G6PC3: variants seen among roughly 807,000 people sequenced by gnomAD.
The protein encoded by G6PC3 is glucose-6-phosphatase catalytic subunit 3, also known as glucose-6-phosphatase 3.
Under a neutral mutation model 38.6 loss-of-function variants are expected in G6PC3, and 30 were observed. The ratio of observed to expected loss-of-function variants is 0.78; its 90% confidence interval spans 0.58 to 1.05. G6PC3 has a LOEUF of 1.05. G6PC3 is among the 50% of genes least tolerant of loss of function. The probability of loss-of-function intolerance (pLI) is 0.00; values close to 1 mark genes in which losing one functional copy is unlikely to be tolerated. For synonymous variants in G6PC3, 192 were observed against 178.1 expected (o/e 1.08, Z -0.62); for missense variants, 377 against 443.1 (o/e 0.85, Z 1.34).
chr17:44,074,874 T>A, intron 3 of G6PC3, 95 bp from the exon 4 acceptor site: 1 of 1,456,324 alleles, frequency 6.9e-7, no homozygotes, highest in South Asian at 1.1e-5. Flanking sequence ...TTGGGGACCC[T>A]AGGTTGTGTG....
rs371716081 is a variant in G6PC3 at position 44,075,119 on chromosome 17, A to G, written c.535+32A>G. ...AACTGGGGCAACGGGGTGGACTGAG[A>G]GGATGCCTTTGGCAGTGGGAGGATC... On this transcript the variant is annotated intron_variant, in intron 4 of 5. Coordinates refer to ENST00000269097, the MANE Select transcript of G6PC3 (RefSeq NM_138387.4). The G allele has an allele frequency of 7.0e-6, 11 of 1,571,960 alleles. No individual in the cohort carries two copies. The African/African-American group carries it at 1.5e-4, about 21-fold the overall frequency.
Position 44,070,743 on chromosome 17 carries a change from G to A in G6PC3, c.-223G>A. On this transcript the variant is annotated 5_prime_UTR_variant, in exon 1 of 6. Transcript: ENST00000269097. ...TGTCCCCTGCGCTGCCCAGTAGGGA[G>A]GAAAACCGGAGGAGAGCGCAGGAGG... 1 of 625,748 alleles carries A rather than the reference G, an allele frequency of 1.6e-6. No homozygotes were observed. Among genetic ancestry groups the A allele is most frequent in the Non-Finnish European group, 2.9e-6 (1 of 347,936 alleles). 38.8% of individuals were successfully genotyped at this position (625,748 alleles called of 1,614,324 possible).
intron 1 of G6PC3, 49 bp from the exon 2 acceptor site, chr17:44,074,111 C>G (rs781657144): frequency 2.3e-6 from 3 of 1,329,284 alleles, no homozygotes; most frequent in Non-Finnish European, 3.3e-6. Flanking sequence ...TGTACCCCCC[C>G]TGGCTGTGTG....
Position 44,071,273 on chromosome 17 carries a change from C to T in G6PC3, c.218+90C>T, listed in dbSNP as rs1020804767. ...CCCTGGTCTCTTTCAGCAACTGTCTCAAGGGCCTTCCCACCCCTACTCTGT... is the reference window on the plus strand; with the variant it reads ...CCCTGGTCTCTTTCAGCAACTGTCTTAAGGGCCTTCCCACCCCTACTCTGT... On this transcript the variant is annotated intron_variant, in intron 1 of 5. Transcript: ENST00000269097. The T allele has an allele frequency of 9.1e-6, 14 of 1,542,468 alleles. No individual in the cohort carries two copies. The East Asian group carries it at 3.4e-4, about 37-fold the overall frequency.
chr17:44,071,121 T>G lies in G6PC3; in HGVS notation c.156T>G (p.Arg52=). The change falls in exon 1 of 6, where the codon CGT becomes CGG. Residue 52 remains arginine (R), a synonymous_variant. Coordinates refer to ENST00000269097, the MANE Select transcript of G6PC3 (RefSeq NM_138387.4). ...CCGCGGCCTACTACGCCTCCCGCCG[T>G]GTGGGCATCGCGGTGCTCTGGATCA... ...YFPAAYYASR[R]VGIAVLWISL... is the part of the protein sequence containing the mutation. 6.2e-7 allele frequency: 1 copy of G among 1,614,034 alleles called. No individual in the cohort carries two copies. Among genetic ancestry groups the G allele is most frequent in the Non-Finnish European group, 8.5e-7 (1 of 1,179,984 alleles).
At chr17:44,074,398 C>A (rs752891830) in intron 2 of G6PC3, 132 bp downstream of exon 2, 2 of 815,742 alleles carry the variant, frequency 2.5e-6, no homozygotes, top group African/African-American at 1.7e-5. Flanking sequence ...AACAAAAGAA[C>A]CCCAGGGAGA....
At chr17:44,071,654 G>A (rs2049981363) in intron 1 of G6PC3, 1 of 1,283,592 alleles carries the variant, frequency 7.8e-7, no homozygotes, top group Non-Finnish European at 1.0e-6. Flanking sequence ...GGGCATCACG[G>A]TAGCTGCTAA....
chr17:44,075,211 C>G (rs1186240441), intron 4 of G6PC3, 99 bp from the exon 5 acceptor site: 24 of 1,549,544 alleles, frequency 1.5e-5, no homozygotes, highest in Admixed American at 6.7e-5. Flanking sequence ...CGTTATGTCT[C>G]AGTTTATTCT....
chr17:44,075,470 C>G lies in G6PC3; in HGVS notation c.677+19C>G. 1.2e-6 allele frequency: 2 copies of G among 1,614,170 alleles called. No individual in the cohort carries two copies. Among genetic ancestry groups the G allele is most frequent in the Middle Eastern group, 3.3e-4 (2 of 6,062 alleles). On this transcript the variant is annotated intron_variant, in intron 5 of 5. Transcript: ENST00000269097. ...TTTCTTGGTAAGTCTCGCTTTGAAG[C>G]CTGGGCAGGCTGGGCCCTGTCCTAT...
At chr17:44,075,635 T>G (rs1414872694) in intron 5 of G6PC3, 45 bp from the exon 6 acceptor site, 2 of 1,606,740 alleles carry the variant, frequency 1.2e-6, no homozygotes, top group East Asian at 2.2e-5. Context: ...GCCAGTGGCC[T>G]TCTATGTTCC....
chr17:44,071,315 T>TC (rs2049975150), intron 1 of G6PC3, 132 bp downstream of exon 1: 4 of 1,448,888 alleles, frequency 2.8e-6, no homozygotes, highest in Non-Finnish European at 3.7e-6. Context: ...TGATTTTTTT[T>TC]CCCCTTGAGC....
In G6PC3 at chr17:44,075,300, A is replaced by T. The variant is rs866805011; in HGVS notation, c.536-10A>T. ...GACTCCTTGAAGCTGTTGTCACTCC[A>T]CTCTCCTAGGCGCTGTCCTGGGCTG... On this transcript the variant is annotated splice_polypyrimidine_tract_variant and intron_variant, in intron 4 of 5. Transcript: ENST00000269097. 31 of 1,613,200 alleles carry T rather than the reference A, an allele frequency of 1.9e-5. 1 individual carries two copies. The Middle Eastern group carries it at 2.1e-3, about 112-fold the overall frequency.
chr17:44,074,040 C>G (rs948950950), intron 1 of G6PC3, 120 bp from the exon 2 acceptor site: 3 of 782,658 alleles, frequency 3.8e-6, no homozygotes, highest in Non-Finnish European at 4.7e-6. Context: ...TGGACAGAAT[C>G]GTAGTCCCTT....
At chr17:44,074,093 G>T (rs2050029245) in intron 1 of G6PC3, 67 bp from the exon 2 acceptor site, 2 of 1,093,310 alleles carry the variant, frequency 1.8e-6, no homozygotes, top group Admixed American at 3.4e-5. Flanking sequence ...TCTGTGTCCT[G>T]CCCGCCTTGT....
chr17:44,071,284 C>T lies in G6PC3; in HGVS notation c.218+101C>T. The T allele has an allele frequency of 2.0e-6, 3 of 1,532,070 alleles. No homozygotes were observed. In the African/African-American group the frequency reaches 4.1e-5, roughly 21 times the overall value. 94.9% of individuals were successfully genotyped at this position (1,532,070 alleles called of 1,614,324 possible). A position where few individuals can be genotyped will look rare whatever the true frequency, so the allele number is the denominator to read the frequency against. On this transcript the variant is annotated intron_variant, in intron 1 of 5. Coordinates refer to ENST00000269097, the MANE Select transcript of G6PC3 (RefSeq NM_138387.4). ...TTCAGCAACTGTCTCAAGGGCCTTC[C>T]CACCCCTACTCTGTAGTCCCTGATT...
intron 2 of G6PC3, 100 bp from the exon 3 acceptor site, chr17:44,074,580 C>T: frequency 1.0e-6 from 1 of 1,003,938 alleles, no homozygotes. Context: ...GGGAAAAGCT[C>T]TTCTCAGCCA....
At position 44,070,792 on chromosome 17, in the gene G6PC3, T is replaced by C. The variant is rs1316311514; in HGVS notation, c.-174T>C. 2.8e-6 allele frequency: 2 copies of C among 718,658 alleles called. No homozygotes were observed. Among genetic ancestry groups the C allele is most frequent in the South Asian group, 1.6e-5 (1 of 63,720 alleles). 44.5% of individuals were successfully genotyped at this position (718,658 alleles called of 1,614,324 possible). A position where few individuals can be genotyped will look rare whatever the true frequency, so the allele number is the denominator to read the frequency against. ...GGAAACAGTACCGGCTGGAGGCCGGTCTTGCAGGAGCGGGGGACTGCTGGG... is the reference window on the plus strand; with the variant it reads ...GGAAACAGTACCGGCTGGAGGCCGGCCTTGCAGGAGCGGGGGACTGCTGGG... On this transcript the variant is annotated 5_prime_UTR_variant, in exon 1 of 6. Transcript: ENST00000269097.
At chr17:44,073,428 T>G (rs1386139583) in intron 1 of G6PC3, 1 of 153,148 alleles carries the variant, frequency 6.5e-6, no homozygotes, top group African/African-American at 2.4e-5. Context: ...TACCACAATC[T>G]CTTGCCTCTG....
In G6PC3 at chr17:44,075,392, C is replaced by T. The variant is rs752599204; in HGVS notation, c.618C>T (p.Leu206=). The T allele has an allele frequency of 1.9e-6, 3 of 1,614,182 alleles. No homozygotes were observed. Among genetic ancestry groups the T allele is most frequent in the Non-Finnish European group, 2.5e-6 (3 of 1,180,016 alleles). Residue 206 remains leucine, a synonymous_variant, in exon 5 of 6, where the codon CTC becomes CTT. Transcript: ENST00000269097. ...LSFYGLTALA[L]MLGTSLIYWT... is the part of the protein sequence containing the mutation. Reference sequence around the variant, plus strand: ...TCTATGGGTTGACTGCACTGGCCCTCATGCTAGGCACCAGCCTCATCTATT... The same window carrying T: ...TCTATGGGTTGACTGCACTGGCCCTTATGCTAGGCACCAGCCTCATCTATT...
Sources: gnomAD v4.1 joint callset for allele counts on GRCh38, gnomAD v4.1.1 for gene constraint, MANE v1.5 for transcripts, NCBI Gene and HGNC (gene_info 2026-07-23, HGNC 2026-07-21) for gene names.